TRAF2: variants seen among roughly 807,000 people sequenced by gnomAD.
TRAF2 encodes TNF receptor-associated factor 2.
A neutral mutation model predicts 55.6 loss-of-function variants in TRAF2; 6 were observed. That is an observed-to-expected ratio of 0.11 (90% CI 0.06 to 0.21). The LOEUF (loss-of-function observed/expected upper bound fraction) is 0.21, where lower values mean the gene tolerates loss of function less well. TRAF2 is among the 10% of genes least tolerant of loss of function. The pLI is 1.00. For missense variants in TRAF2, 561 were observed against 684.5 expected, an observed-to-expected ratio of 0.82 and a Z score of 2.01; for synonymous variants, 329 against 276.3, an observed-to-expected ratio of 1.19 and a Z score of -1.89.
At chr9:136,889,261 G>A (rs1363953797) in intron 1 of TRAF2, among the ~76,000 whole-genome samples, 6 of 140,052 alleles carry the variant, frequency 4.3e-5, no homozygotes, top group Non-Finnish European at 9.2e-5. Context: ...TCTGTCCCCC[G>A]GTGTGAGCCA....
chr9:136,925,578 C>T, intron 10 of TRAF2, 105 bp from the exon 11 acceptor site: 1 of 1,208,330 alleles, frequency 8.3e-7, no homozygotes, highest in South Asian at 1.4e-5. Flanking sequence ...GGCCTGGGTC[C>T]TGGGATGGCC....
In TRAF2 at chr9:136,921,233, C is replaced by T. The variant is rs781441463; in HGVS notation, c.1138+18C>T. On this transcript the variant is annotated intron_variant, in intron 9 of 10. Transcript: ENST00000247668. ...CTCCCCAGGTGTGGTTCTAGGACCCCCACCTCACTGCAGCTGCTGTTTACT... is the reference window on the plus strand; with the variant it reads ...CTCCCCAGGTGTGGTTCTAGGACCCTCACCTCACTGCAGCTGCTGTTTACT... 8.7e-6 allele frequency: 14 copies of T among 1,612,678 alleles called. No homozygotes were observed. The highest frequency in any genetic ancestry group is 6.6e-5 in the South Asian group (6 of 91,062).
At chr9:136,914,163 C>G (rs1024881515) in intron 6 of TRAF2, among the ~76,000 whole-genome samples, 1 of 152,164 alleles carries the variant, frequency 6.6e-6, no homozygotes, top group Non-Finnish European at 1.5e-5. Context: ...CTAGGGCACC[C>G]TTTATCAGAT....
chr9:136,887,511 G>A (rs960945985), intron 1 of TRAF2, among the ~76,000 whole-genome samples: 2 of 152,140 alleles, frequency 1.3e-5, no homozygotes, highest in Non-Finnish European at 2.9e-5. Flanking sequence ...GGGCCGACAG[G>A]GGGTGGGGTG....
At chr9:136,895,343 C>T (rs759160851) in intron 1 of TRAF2, among the ~76,000 whole-genome samples, 5 of 152,160 alleles carry the variant, frequency 3.3e-5, no homozygotes, top group Non-Finnish European at 5.9e-5. Context: ...CTAAGGCTTC[C>T]GGGACACTCT....
intron 1 of TRAF2, among the ~76,000 whole-genome samples, chr9:136,895,541 G>GA (rs1849662080): frequency 6.6e-6 from 1 of 152,290 alleles, no homozygotes; most frequent in Non-Finnish European, 1.5e-5. Context: ...AGAAAAAAGG[G>GA]AAAATGCATT....
rs1417496576 is a variant in TRAF2 at position 136,916,615 on chromosome 9, G to C, written c.678G>C (p.Thr226=). 1 of 1,613,562 alleles carries C rather than the reference G, an allele frequency of 6.2e-7. No individual in the cohort carries two copies. The highest frequency in any genetic ancestry group is 1.3e-5 in the African/African-American group (1 of 74,888). ...TCCACGCCATCGGCTGCCTCGAGAC[G>C]GTGAGTCGGGGGGTCTGAGGTTGGG... ...CRFHAIGCLE[T]VEGEKQQEHE... is the part of the protein sequence containing the mutation. The change falls in exon 7 of 11, where the codon ACG becomes ACC. Residue 226 remains threonine, a splice_region_variant and synonymous_variant. Coordinates refer to ENST00000247668, the MANE Select transcript of TRAF2 (RefSeq NM_021138.4).
intron 7 of TRAF2, among the ~76,000 whole-genome samples, 169 bp from the exon 8 acceptor site, chr9:136,920,063 TCA>T (rs963213047): frequency 2.6e-5 from 4 of 152,142 alleles, no homozygotes; most frequent in African/African-American, 9.7e-5. Flanking sequence ...CACCTGACTT[TCA>T]GTCTGTCATA....
chr9:136,899,634 A>C lies in TRAF2; in HGVS notation c.229A>C (p.Ile77Leu), dbSNP rs773301678. The C allele has an allele frequency of 3.7e-6, 6 of 1,613,354 alleles. No individual in the cohort carries two copies. The South Asian group carries it at 5.5e-5, about 15-fold the overall frequency. Residue 77 changes from isoleucine to leucine, a missense_variant, in exon 3 of 11, where the codon ATA (isoleucine) becomes CTA (leucine). Transcript: ENST00000247668. ...QNCAACVHEG[I>L]YEEGISILES... ...CTGTGCTGCCTGTGTTCACGAGGGC[A>C]TATATGAAGAAGGCATTTCTATTTT...
chr9:136,892,131 CATCTT>C (rs1194047896), intron 1 of TRAF2, among the ~76,000 whole-genome samples: 1 of 152,092 alleles, frequency 6.6e-6, no homozygotes, highest in Non-Finnish European at 1.5e-5. Context: ...TCCTATTTAA[CATCTT>C]ATAATAAGTA....
intron 4 of TRAF2, among the ~76,000 whole-genome samples, chr9:136,902,601 G>C (rs1453195973): frequency 6.6e-6 from 1 of 152,222 alleles, no homozygotes; most frequent in Non-Finnish European, 1.5e-5. Context: ...GAGAGCTCTG[G>C]AAAGTCCCTG....
intron 4 of TRAF2, among the ~76,000 whole-genome samples, chr9:136,907,282 C>T (rs567964146): frequency 1.0e-4 from 16 of 152,382 alleles, no homozygotes; most frequent in Admixed American, 7.2e-4. Flanking sequence ...CCCGGCCCTG[C>T]CTCCACTGCC....
rs766672665 is a variant in TRAF2 at position 136,898,857 on chromosome 9, C to A, written c.117C>A (p.Asn39Lys). 6.2e-7 allele frequency: 1 copy of A among 1,613,502 alleles called. No homozygotes were observed. Among genetic ancestry groups the A allele is most frequent in the African/African-American group, 1.3e-5 (1 of 74,914 alleles). Residue 39 changes from asparagine to lysine, a missense_variant, in exon 2 of 11, where the codon AAC (asparagine) becomes AAA (lysine). Physicochemically the swap from Asn to Lys is moderately conservative, Grantham distance 94 (BLOSUM62 0). This residue lies in a region of TRAF2 where 426 missense variants were observed against 476.8 expected (regional missense o/e 0.89). Transcript: ENST00000247668. The stretch of plus-strand genomic sequence containing the variant: ...AGTACCTGTGCTCCGCCTGCAGAAA[C>A]GTCCTCCGCAGGCCCTTCCAGGCGC... ...EAKYLCSACR[N>K]VLRRPFQAQC...
chr9:136,896,908 A>G (rs1849692518), intron 1 of TRAF2, among the ~76,000 whole-genome samples: 1 of 152,096 alleles, frequency 6.6e-6, no homozygotes, highest in Non-Finnish European at 1.5e-5. Flanking sequence ...TAGTTCGTTG[A>G]GAGGGAGACA....
intron 6 of TRAF2, among the ~76,000 whole-genome samples, chr9:136,915,295 C>T (rs149305573): frequency 1.4e-4 from 21 of 152,282 alleles, no homozygotes; most frequent in South Asian, 4.1e-4. Context: ...TCCGCAGCGC[C>T]GTGCGGTCGT....
chr9:136,898,955 AG>A, intron 2 of TRAF2, 27 bp downstream of exon 2: 1 of 1,568,144 alleles, frequency 6.4e-7, no homozygotes, highest in South Asian at 1.2e-5. Context: ...GGCTGGGAGG[AG>A]GGGCAGGCAG....
In TRAF2 at chr9:136,920,493, A is replaced by G; in HGVS notation, c.938A>G (p.Lys313Arg). Residue 313 changes from lysine to arginine, a missense_variant, in exon 8 of 11, where the codon AAG becomes AGG. Coordinates refer to ENST00000247668, the MANE Select transcript of TRAF2 (RefSeq NM_021138.4). ...CGGCAGCACCGGCTGGACCAAGACA[A>G]GATTGAAGCCCTGAGTAGCAAGGTT... ...CSRQHRLDQD[K>R]IEALSSKVQQ... is the part of the protein sequence containing the mutation. 1 of 1,612,432 alleles carries G rather than the reference A, an allele frequency of 6.2e-7. No homozygotes were observed. The highest frequency in any genetic ancestry group is 1.7e-4 in the Middle Eastern group (1 of 6,056).
chr9:136,890,115 G>A (rs528182266), intron 1 of TRAF2, among the ~76,000 whole-genome samples: 1 of 150,394 alleles, frequency 6.6e-6, no homozygotes, highest in East Asian at 2.0e-4. Context: ...GTCACCGCGT[G>A]TGAGTCCCCA....
intron 7 of TRAF2, 79 bp from the exon 8 acceptor site, chr9:136,920,155 G>A (rs1676905521): frequency 1.3e-6 from 2 of 1,485,362 alleles, no homozygotes; most frequent in Middle Eastern, 2.5e-4. Flanking sequence ...CTCAGCTGAG[G>A]CCCACGTCTT....
Sources: allele counts gnomAD v4.1 joint callset (sites outside exome capture counted in the v4.1 genomes callset), GRCh38; gene constraint gnomAD v4.1.1; regional missense constraint gnomAD v4.1.1; transcripts MANE v1.5; gene names NCBI Gene and HGNC (gene_info 2026-07-23, HGNC 2026-07-21).